Variants in ZNF74 observed in about 807,000 individuals in gnomAD.
ZNF74 encodes the protein zinc finger protein 520.
Under a neutral mutation model 17.7 loss-of-function variants are expected in ZNF74, and 12 were observed. The observed-to-expected ratio is 0.68, with a 90% confidence interval of 0.43 to 1.10. ZNF74 has a LOEUF of 1.10. Ranked by LOEUF, ZNF74 falls within the 50% of genes least tolerant of loss-of-function variation. ZNF74 has a pLI of 0.00. For synonymous variants in ZNF74, 358 were observed against 362.1 expected, an observed-to-expected ratio of 0.99 and a Z score of 0.13; for missense variants, 811 against 881.0, an observed-to-expected ratio of 0.92 and a Z score of 1.01.
At position 20,400,717 on chromosome 22, in the gene ZNF74, G is replaced by A. The variant is rs1043655121; in HGVS notation, c.206G>A (p.Arg69Gln). 25 of 1,614,006 alleles carry A rather than the reference G, an allele frequency of 1.5e-5. No homozygotes were observed. The highest frequency in any genetic ancestry group is 5.0e-5 in the Admixed American group (3 of 59,990). Residue 69 changes from arginine to glutamine, a missense_variant, in exon 3 of 5, where the codon CGG (arginine) becomes CAG (glutamine). Physicochemically the swap from Arg to Gln is conservative, Grantham distance 43. Around this residue, in one of 3 missense-constraint regions of ZNF74, gnomAD observed 666 missense variants for 702.3 expected, o/e 0.95. Transcript: ENST00000400451. ...QLDSPQRALY[R>Q]DVMLENYQNL... Reference sequence around the variant, plus strand: ...GACTCCCCTCAGAGGGCCTTGTACCGGGATGTGATGTTGGAGAACTACCAG... The same window carrying A: ...GACTCCCCTCAGAGGGCCTTGTACCAGGATGTGATGTTGGAGAACTACCAG...
At position 20,405,732 on chromosome 22, in the gene ZNF74, C is replaced by G; in HGVS notation, c.699C>G (p.Pro233=). 1.2e-6 allele frequency: 2 copies of G among 1,603,354 alleles called. No homozygotes were observed. Among genetic ancestry groups the G allele is most frequent in the Non-Finnish European group, 1.7e-6 (2 of 1,175,470 alleles). Residue 233 remains proline, a synonymous_variant, in exon 5 of 5, where the codon CCC becomes CCG. Transcript: ENST00000400451. ...ASTPSEPEKF[P]QVRRQRGAGA... is the part of the protein sequence containing the mutation. ...CGCCAAGTGAGCCAGAAAAGTTCCC[C>G]CAGGTGCGCCGGCAGCGCGGGGCGG...
At chr22:20,405,090 C>G (rs1305147125) in intron 4 of ZNF74, among the ~76,000 whole-genome samples, 1 of 152,226 alleles carries the variant, frequency 6.6e-6, no homozygotes, top group Non-Finnish European at 1.5e-5. Flanking sequence ...TTCTCAGCCC[C>G]CTTGGTGCTT....
chr22:20,406,278 G>GCTGCACTAGACTGCTCCCT lies in ZNF74; in HGVS notation c.1245_1246insCTGCACTAGACTGCTCCCT (p.Phe416LeufsTer3). 1 of 1,607,716 alleles carries GCTGCACTAGACTGCTCCCT rather than the reference G, an allele frequency of 6.2e-7. No individual in the cohort carries two copies. ...AGAAGATCCACAGCGGGGACAAGCC[G>GCTGCACTAGACTGCTCCCT]TTCAAGTGCAGCGACTGCGAGAAGG... On this transcript the variant is annotated stop_gained and frameshift_variant, in exon 5 of 5. Coordinates refer to ENST00000400451, the MANE Select transcript of ZNF74 (RefSeq NM_003426.4). LOFTEE classifies it low-confidence loss of function (END_TRUNC).
Position 20,401,080 on chromosome 22 carries a change from C to G in ZNF74, c.248-197C>G. On this transcript the variant is annotated intron_variant, in intron 3 of 4. Coordinates refer to ENST00000400451, the MANE Select transcript of ZNF74 (RefSeq NM_003426.4). The surrounding 1 kb of genome is among the most constrained non-coding windows in gnomAD (Gnocchi z 4.2). Reference sequence around the variant, plus strand: ...TCAAGCAATGAAGTAAGGACGTCAGCACACGTGGGGTCTTCAGAGTATACA... The same window carrying G: ...TCAAGCAATGAAGTAAGGACGTCAGGACACGTGGGGTCTTCAGAGTATACA... 1 of 596,460 alleles carries G rather than the reference C, an allele frequency of 1.7e-6. No homozygotes were observed. The highest frequency in any genetic ancestry group is 3.0e-6 in the Non-Finnish European group (1 of 335,324). The allele number at this position is 596,460 out of a possible 1,614,324, so 36.9% of individuals were successfully genotyped here. A position where few individuals can be genotyped will look rare whatever the true frequency, so the allele number is the denominator to read the frequency against.
Position 20,394,164 on chromosome 22 carries a change from G to A in ZNF74, c.-465G>A. The A allele has an allele frequency of 1.6e-6, 1 of 616,488 alleles. No individual in the cohort carries two copies. The highest frequency in any genetic ancestry group is 2.9e-6 in the Non-Finnish European group (1 of 340,660). 38.2% of individuals were successfully genotyped at this position (616,488 alleles called of 1,614,324 possible). On this transcript the variant is annotated 5_prime_UTR_variant, in exon 1 of 5. Transcript: ENST00000400451. ...GCGCGCTTTCCCGCAGCGGCCGCCTGCTGCTCTTTGTGGCAGTCGCAGTCC... is the reference window on the plus strand; with the variant it reads ...GCGCGCTTTCCCGCAGCGGCCGCCTACTGCTCTTTGTGGCAGTCGCAGTCC...
At chr22:20,403,590 A>G (rs2052381519) in intron 4 of ZNF74, among the ~76,000 whole-genome samples, 1 of 151,676 alleles carries the variant, frequency 6.6e-6, no homozygotes, top group Non-Finnish European at 1.5e-5. Context: ...CACCTTACAC[A>G]CCACCAAAGC....
At position 20,406,935 on chromosome 22, in the gene ZNF74, G is replaced by A; in HGVS notation, c.1902G>A (p.Arg634=). 6.2e-7 allele frequency: 1 copy of A among 1,613,598 alleles called. No individual in the cohort carries two copies. The highest frequency in any genetic ancestry group is 1.1e-5 in the South Asian group (1 of 91,048). The change falls in exon 5 of 5, where the codon AGG becomes AGA. Residue 634 remains arginine (R), a synonymous_variant. Transcript: ENST00000400451. ...GCGTGGTTCCCCCCAGAGCTGGCAG[G>A]AATTTCTCCCTGGGGAGCAAACCTC... ...LLCVVPPRAG[R]NFSLGSKPRN
chr22:20,395,819 G>T (rs1422837616), intron 2 of ZNF74, among the ~76,000 whole-genome samples: 1 of 152,196 alleles, frequency 6.6e-6, no homozygotes, highest in African/African-American at 2.4e-5. Context: ...GAATCAGACA[G>T]GGGCACGTGG....
intron 1 of ZNF74, 75 bp downstream of exon 1, chr22:20,394,737 C>A: frequency 7.0e-7 from 1 of 1,424,756 alleles, no homozygotes; most frequent in Non-Finnish European, 9.8e-7. Flanking sequence ...GAGATCAGGC[C>A]AGTTTCCCAG....
Position 20,401,709 on chromosome 22 carries a change from G to A in ZNF74, c.343+337G>A, listed in dbSNP as rs930109090. Among the ~76,000 whole-genome samples, 7 of 152,194 alleles carry A rather than the reference G, an allele frequency of 4.6e-5. No individual in the cohort carries two copies. The highest frequency in any genetic ancestry group is 7.2e-5 in the African/African-American group (3 of 41,448). On this transcript the variant is annotated intron_variant, in intron 4 of 4. Coordinates refer to ENST00000400451, the MANE Select transcript of ZNF74 (RefSeq NM_003426.4). This position sits in a 1 kb window ranked among gnomAD's most constrained non-coding sequence, Gnocchi z 4.2. ...GGGGCAGGGGGCCACCAGGGAAGGG[G>A]CAGCTGGCGTTGGTCAGTGTCAGGG...
intron 3 of ZNF74, 103 bp downstream of exon 3, chr22:20,400,861 A>C: frequency 1.4e-6 from 2 of 1,399,752 alleles, no homozygotes; most frequent in Non-Finnish European, 2.0e-6. Context: ...TGCCAGATAT[A>C]TCATGGGGTG....
At chr22:20,400,916 G>T in intron 3 of ZNF74, 158 bp downstream of exon 3, 1 of 865,482 alleles carries the variant, frequency 1.2e-6, no homozygotes, top group East Asian at 2.5e-5. Context: ...CAGGGGCCTC[G>T]GCCACGCCAG....
chr22:20,406,720 G>T lies in ZNF74; in HGVS notation c.1687G>T (p.Glu563Ter). The T allele has an allele frequency of 6.2e-7, 1 of 1,614,160 alleles. No individual in the cohort carries two copies. The highest frequency in any genetic ancestry group is 8.5e-7 in the Non-Finnish European group (1 of 1,180,038). The change falls in exon 5 of 5, where the codon GAG becomes TAG. Residue 563 changes from glutamate (E) to a stop codon, truncating the protein, a stop_gained. Transcript: ENST00000400451. LOFTEE classifies it low-confidence loss of function (END_TRUNC). Reference sequence around the variant, plus strand: ...GTCGTTTAAGTGTGAGAAATGTGGGGAGATGTTCAACTGGAGCTCGCACCT... The same window carrying T: ...GTCGTTTAAGTGTGAGAAATGTGGGTAGATGTTCAACTGGAGCTCGCACCT... ...EKSFKCEKCG[E>*]MFNWSSHLTE...
rs1408161796 is a variant in ZNF74, at chr22:20,407,895, C to G, written c.*927C>G. 6.6e-6 allele frequency: 1 copy of G among 152,240 alleles called. No homozygotes were observed. The allele number at this position is 152,240 out of a possible 1,614,324, so 9.4% of individuals were successfully genotyped here. A position where few individuals can be genotyped will look rare whatever the true frequency, so the allele number is the denominator to read the frequency against. On this transcript the variant is annotated 3_prime_UTR_variant, in exon 5 of 5. Coordinates refer to ENST00000400451, the MANE Select transcript of ZNF74 (RefSeq NM_003426.4). ...AGATCCTAACATGCCAACATCACCT[C>G]TTGCCATTTAGCCCCTAGTGAGAAA...
chr22:20,397,878 G>A (rs1405379993), intron 2 of ZNF74, among the ~76,000 whole-genome samples: 1 of 152,158 alleles, frequency 6.6e-6, no homozygotes, highest in Non-Finnish European at 1.5e-5. Flanking sequence ...TCCTTGGCTT[G>A]TAGATGGCCA....
chr22:20,397,970 A>G (rs2052314001), intron 2 of ZNF74, among the ~76,000 whole-genome samples: 1 of 152,172 alleles, frequency 6.6e-6, no homozygotes, highest in Non-Finnish European at 1.5e-5. Flanking sequence ...CACCAGTTAT[A>G]TTGGATCAAG....
chr22:20,406,199 A>T lies in ZNF74; in HGVS notation c.1166A>T (p.Gln389Leu). Reference protein sequence around the residue: ...HRIHTGEKPYQCGSCGKAFTC... With the variant: ...HRIHTGEKPYLCGSCGKAFTC... ...ATCCACACGGGCGAGAAGCCCTACC[A>T]GTGCGGCTCCTGCGGCAAGGCCTTC... Residue 389 changes from glutamine (Q) to leucine (L), a missense_variant, in exon 5 of 5, where the codon CAG (glutamine) becomes CTG (leucine). This residue lies in a region of ZNF74 where 666 missense variants were observed against 702.3 expected (regional missense o/e 0.95). Coordinates refer to ENST00000400451, the MANE Select transcript of ZNF74 (RefSeq NM_003426.4). 6.2e-7 allele frequency: 1 copy of T among 1,612,950 alleles called. No homozygotes were observed. The highest frequency in any genetic ancestry group is 8.5e-7 in the Non-Finnish European group (1 of 1,179,840).
Position 20,405,848 on chromosome 22 carries a change from G to T in ZNF74, c.815G>T (p.Arg272Leu), listed in dbSNP as rs751936812. Residue 272 changes from arginine to leucine, a missense_variant, in exon 5 of 5, where the codon CGG (arginine) becomes CTG (leucine). Transcript: ENST00000400451. ...ACGCTGCACCGGCGCTGGCACAGCC[G>T]GGAGAAGGCTTACAAGTGCGATGAA... ...SLTLHRRWHS[R>L]EKAYKCDECG... is the part of the protein sequence containing the mutation. The T allele has an allele frequency of 1.9e-6, 3 of 1,613,590 alleles. No individual in the cohort carries two copies. Among genetic ancestry groups the T allele is most frequent in the Non-Finnish European group, 2.5e-6 (3 of 1,179,906 alleles).
In ZNF74 at chr22:20,406,887, G is replaced by T. The variant is rs373258477; in HGVS notation, c.1854G>T (p.Ala618=). 1.7e-5 allele frequency: 28 copies of T among 1,613,906 alleles called. No homozygotes were observed. The Admixed American group carries it at 2.5e-4, about 14-fold the overall frequency. ...TGAGGGACGTGGATCCCATCGACGCGCTGGATGTGGCAAAGCTCTTGTGCG... is the reference window on the plus strand; with the variant it reads ...TGAGGGACGTGGATCCCATCGACGCTCTGGATGTGGCAAAGCTCTTGTGCG... ...AGLRDVDPID[A]LDVAKLLCVV... is the part of the protein sequence containing the mutation. The change falls in exon 5 of 5, where the codon GCG becomes GCT. Residue 618 remains alanine, a synonymous_variant. Coordinates refer to ENST00000400451, the MANE Select transcript of ZNF74 (RefSeq NM_003426.4).
Sources: gnomAD v4.1 joint callset for allele counts (sites outside exome capture counted in the v4.1 genomes callset) on GRCh38, gnomAD v4.1.1 for gene constraint, gnomAD v4.1.1 regional missense constraint, Gnocchi (gnomAD v3.1) non-coding constraint, MANE v1.5 for transcripts, NCBI Gene and HGNC (gene_info 2026-07-23, HGNC 2026-07-21) for gene names.